CLTC: variants seen among roughly 807,000 people sequenced by gnomAD.
CLTC encodes the protein clathrin heavy chain 1.
Under a neutral mutation model 195.8 loss-of-function variants are expected in CLTC, and 16 were observed. That is an observed-to-expected ratio of 0.08 (90% CI 0.06 to 0.12). The LOEUF (loss-of-function observed/expected upper bound fraction) is 0.12, where lower values mean the gene tolerates loss of function less well. Among genes scored for constraint, CLTC ranks in the 10% least tolerant of loss-of-function variants. CLTC has a pLI of 1.00. For missense variants in CLTC, 796 were observed against 2,027.0 expected, an observed-to-expected ratio of 0.39 and a Z score of 11.66; for synonymous variants, 667 against 689.4, an observed-to-expected ratio of 0.97 and a Z score of 0.51.
chr17:59,657,227 C>T (rs768852677), intron 6 of CLTC, among the ~76,000 whole-genome samples: 1 of 152,102 alleles, frequency 6.6e-6, no homozygotes, highest in Non-Finnish European at 1.5e-5. Context: ...ACCCATGCCC[C>T]ACCTTAACTC....
chr17:59,679,608 A>G (rs2033040493), intron 18 of CLTC, 89 bp downstream of exon 18: 1 of 1,204,172 alleles, frequency 8.3e-7, no homozygotes, highest in Admixed American at 2.7e-5. Flanking sequence ...ATGTACTCAA[A>G]TGGATCATAT....
At chr17:59,677,478 T>A (rs1244507025) in intron 17 of CLTC, among the ~76,000 whole-genome samples, 2 of 152,172 alleles carry the variant, frequency 1.3e-5, no homozygotes, top group South Asian at 4.1e-4. Flanking sequence ...TACACACACA[T>A]ACTATTTTTT....
At chr17:59,690,829 C>T in intron 31 of CLTC, 118 bp downstream of exon 31, 5 of 626,628 alleles carry the variant, frequency 8.0e-6, no homozygotes, top group Non-Finnish European at 2.7e-6. Context: ...CTAAGAAATA[C>T]TGCTCTCTAC....
Position 59,696,001 on chromosome 17 carries a change from T to C in CLTC, c.*2149T>C, listed in dbSNP as rs2143628878. On this transcript the variant is annotated 3_prime_UTR_variant, in exon 32 of 32. Coordinates refer to ENST00000269122, the MANE Select transcript of CLTC (RefSeq NM_004859.4). ...CACAATTACCAGAATTTTCATAGTA[T>C]TCCTTTTAGTAGATATGCCATGACA... 4.8e-6 allele frequency: 1 copy of C among 207,660 alleles called. No homozygotes were observed. The highest frequency in any genetic ancestry group is 7.3e-5 in the East Asian group (1 of 13,636). 12.9% of individuals were successfully genotyped at this position (207,660 alleles called of 1,614,324 possible).
At chr17:59,650,993 T>C (rs2143514415) in intron 4 of CLTC, among the ~76,000 whole-genome samples, 1 of 152,352 alleles carries the variant, frequency 6.6e-6, no homozygotes, top group South Asian at 2.1e-4. Context: ...CTTTTAAGAT[T>C]GGCTTCTTTT....
intron 1 of CLTC, among the ~76,000 whole-genome samples, chr17:59,627,060 G>A (rs2031574104): frequency 1.3e-5 from 1 of 75,312 alleles, no homozygotes; most frequent in African/African-American, 3.6e-5. Flanking sequence ...CACCAAACCC[G>A]GCTAATTTTT....
Position 59,677,028 on chromosome 17 carries a change from T to C in CLTC, c.2636T>C (p.Leu879Ser). 1.9e-6 allele frequency: 3 copies of C among 1,614,146 alleles called. No homozygotes were observed. Among genetic ancestry groups the C allele is most frequent in the South Asian group, 2.2e-5 (2 of 91,092 alleles). The change falls in exon 17 of 32, where the codon TTA (leucine) becomes TCA (serine). Residue 879 changes from leucine to serine, a missense_variant. Physicochemically the swap from Leu to Ser is moderately radical, Grantham distance 145. Transcript: ENST00000269122. Reference protein sequence around the residue: ...GCEEPATHNALAKIYIDSNNN... With the variant: ...GCEEPATHNASAKIYIDSNNN... ...GAGGAGCCTGCTACTCACAATGCCT[T>C]AGCCAAAATCTACATAGACAGTAAT... is the stretch of plus-strand genomic sequence containing the variant.
At chr17:59,677,495 G>A (rs369903166) in intron 17 of CLTC, among the ~76,000 whole-genome samples, 4 of 152,040 alleles carry the variant, frequency 2.6e-5, no homozygotes, top group Admixed American at 6.5e-5. Context: ...TTTTAACCAC[G>A]TGGGAATAAC....
At chr17:59,656,158 C>A in intron 6 of CLTC, 131 bp downstream of exon 6, 1 of 773,518 alleles carries the variant, frequency 1.3e-6, no homozygotes, top group Non-Finnish European at 1.9e-6. Context: ...AGTTTTTTTC[C>A]AAAAAGTAAA....
intron 1 of CLTC, among the ~76,000 whole-genome samples, chr17:59,620,912 G>A (rs765624782): frequency 3.2e-4 from 48 of 152,262 alleles, no homozygotes; most frequent in South Asian, 8.3e-4. Flanking sequence ...GGGATGTTGT[G>A]GCTCTTAACC....
At chr17:59,664,722 A>G in intron 9 of CLTC, 65 bp from the exon 10 acceptor site, 1 of 1,546,820 alleles carries the variant, frequency 6.5e-7, no homozygotes, top group South Asian at 1.2e-5. Context: ...TTATAGTAGA[A>G]AAAGTCTTTA....
At chr17:59,630,960 A>G (rs1037234769) in intron 1 of CLTC, among the ~76,000 whole-genome samples, 1 of 152,178 alleles carries the variant, frequency 6.6e-6, no homozygotes, top group Non-Finnish European at 1.5e-5. Context: ...CTCTGTTTCA[A>G]CTTTTTGAGA....
chr17:59,683,666 C>T lies in CLTC; in HGVS notation c.4233C>T (p.Tyr1411=). 1 of 1,614,174 alleles carries T rather than the reference C, an allele frequency of 6.2e-7. No individual in the cohort carries two copies. The highest frequency in any genetic ancestry group is 8.5e-7 in the Non-Finnish European group (1 of 1,180,028). ...VELYYRAIQF[Y]LEFKPLLLND... is the part of the protein sequence containing the mutation. ...TATACTACAGAGCAATACAGTTCTA[C>T]TTAGAATTCAAGCCTCTGTTGTTAA... The change falls in exon 27 of 32, where the codon TAC becomes TAT. Residue 1411 remains tyrosine, a synonymous_variant. Transcript: ENST00000269122. This position sits in a 1 kb window ranked among gnomAD's most constrained non-coding sequence, Gnocchi z 6.1.
chr17:59,692,746 C>T (rs1395122457), intron 31 of CLTC, among the ~76,000 whole-genome samples: 2 of 152,110 alleles, frequency 1.3e-5, no homozygotes, highest in Admixed American at 6.5e-5. Flanking sequence ...AAGTGATTCT[C>T]CTGCCTCAAC....
At position 59,620,040 on chromosome 17, in the gene CLTC, C is replaced by G. The variant is rs564507054; in HGVS notation, c.-92C>G. On this transcript the variant is annotated 5_prime_UTR_variant, in exon 1 of 32. Coordinates refer to ENST00000269122, the MANE Select transcript of CLTC (RefSeq NM_004859.4). ...GGATCCTGCTGAGCCCAGCCTCCCC[C>G]CTCCCCTTCTCCTCCTCTCCCTTGG... The G allele has an allele frequency of 8.6e-6, 10 of 1,163,212 alleles. No homozygotes were observed. Among genetic ancestry groups the G allele is most frequent in the South Asian group, 5.1e-5 (4 of 78,118 alleles). The allele number at this position is 1,163,212 out of a possible 1,614,324, so 72.1% of individuals were successfully genotyped here.
chr17:59,685,005 A>G lies in CLTC; in HGVS notation c.4435-51A>G, dbSNP rs1167895050. The G allele has an allele frequency of 2.8e-6, 4 of 1,412,920 alleles. No individual in the cohort carries two copies. Among genetic ancestry groups the G allele is most frequent in the Non-Finnish European group, 9.5e-7 (1 of 1,056,986 alleles). 87.5% of individuals were successfully genotyped at this position (1,412,920 alleles called of 1,614,324 possible). A position where few individuals can be genotyped will look rare whatever the true frequency, so the allele number is the denominator to read the frequency against. ...GGCTCATTGATTGAGAACGGAATAT[A>G]ATGTTAAACAAAATACTGATCTGGC... is the stretch of plus-strand genomic sequence containing the variant. On this transcript the variant is annotated intron_variant, in intron 28 of 31. Coordinates refer to ENST00000269122, the MANE Select transcript of CLTC (RefSeq NM_004859.4). This position sits in a 1 kb window ranked among gnomAD's most constrained non-coding sequence, Gnocchi z 5.0.
At chr17:59,692,857 G>A (rs2033339107) in intron 31 of CLTC, among the ~76,000 whole-genome samples, 2 of 151,820 alleles carry the variant, frequency 1.3e-5, no homozygotes, top group African/African-American at 4.8e-5. Context: ...CCACGCTGGT[G>A]TCCAACTCCT....
intron 15 of CLTC, among the ~76,000 whole-genome samples, chr17:59,674,183 T>C (rs555922427): frequency 2.0e-5 from 3 of 152,182 alleles, no homozygotes; most frequent in African/African-American, 4.8e-5. Flanking sequence ...GTGTAAAATA[T>C]AAGAATAGAA....
intron 4 of CLTC, among the ~76,000 whole-genome samples, chr17:59,650,896 G>C (rs985744109): frequency 2.6e-5 from 4 of 152,040 alleles, no homozygotes; most frequent in African/African-American, 9.7e-5. Flanking sequence ...ACCATCCCTA[G>C]CTCCTGGCAA....
Sources: gnomAD v4.1 joint callset for allele counts (sites outside exome capture counted in the v4.1 genomes callset) on GRCh38, gnomAD v4.1.1 for gene constraint, Gnocchi (gnomAD v3.1) non-coding constraint, MANE v1.5 for transcripts, NCBI Gene and HGNC (gene_info 2026-07-23, HGNC 2026-07-21) for gene names.